The following ANO1 variants were observed in gnomAD, a reference collection of about 807,000 sequenced individuals.
ANO1 encodes the protein anoctamin 1.
ANO1 carries 59 observed loss-of-function variants against 124.0 expected under a neutral mutation model. That is an observed-to-expected ratio of 0.48 (90% CI 0.39 to 0.59). The LOEUF is 0.59. ANO1 is among the 20% of genes least tolerant of loss of function. The probability of loss-of-function intolerance (pLI) is 0.00; values close to 1 mark genes in which losing one functional copy is unlikely to be tolerated. For missense variants in ANO1, 1,059 were observed against 1,328.0 expected, an observed-to-expected ratio of 0.80 and a Z score of 3.15; for synonymous variants, 529 against 532.0, an observed-to-expected ratio of 0.99 and a Z score of 0.08.
intron 1 of ANO1, among the ~76,000 whole-genome samples, chr11:70,023,788 C>T (rs1404280278): frequency 6.6e-6 from 1 of 152,146 alleles, no homozygotes; most frequent in African/African-American, 2.4e-5. Context: ...TGTCTTTATC[C>T]CAGCCATGTG....
intron 7 of ANO1, 72 bp downstream of exon 7, chr11:70,111,834 C>A (rs2515251): frequency 0.99 from 1,491,687 of 1,499,322 alleles, 742,325 homozygotes; most frequent in East Asian, 1. Context: ...CACACCCCCC[C>A]GGGAGCTGCA....
chr11:70,066,344 C>T lies in ANO1; in HGVS notation c.59-12198C>T, dbSNP rs192593070. On this transcript the variant is annotated intron_variant, in intron 1 of 27. Coordinates refer to the ANO1 transcript ENST00000531349. ...GGACCCCATGCTTGGTGTTTGGGGC[C>T]CACTCTTAACATCTCAACAGCCTGT... Among the ~76,000 whole-genome samples the T allele has an allele frequency of 8.0e-4, 121 of 152,190 alleles. 1 individual carries two copies. The highest frequency in any genetic ancestry group is 2.7e-3 in the African/African-American group (114 of 41,536).
intron 1 of ANO1, among the ~76,000 whole-genome samples, chr11:70,080,204 C>G (rs536809427): frequency 2.0e-5 from 3 of 152,318 alleles, no homozygotes; most frequent in African/African-American, 7.2e-5. Flanking sequence ...ACTCTCACAA[C>G]GTGTGAGGTA....
chr11:70,109,624 C>T (rs886186734), intron 6 of ANO1, among the ~76,000 whole-genome samples: 1 of 152,236 alleles, frequency 6.6e-6, no homozygotes. Flanking sequence ...TGCCAGGGCA[C>T]AGCCTTGGAA....
chr11:70,067,450 C>T (rs907983820), intron 1 of ANO1, among the ~76,000 whole-genome samples: 1 of 151,932 alleles, frequency 6.6e-6, no homozygotes, highest in African/African-American at 2.4e-5. Flanking sequence ...GCCTCAGTCT[C>T]CCGAATAGCT....
chr11:70,111,823 C>A, intron 7 of ANO1, 61 bp downstream of exon 7: 1 of 1,543,420 alleles, frequency 6.5e-7, no homozygotes, highest in Non-Finnish European at 9.0e-7. Context: ...TCCCGCCGGG[C>A]CACACCCCCC....
intron 1 of ANO1, among the ~76,000 whole-genome samples, chr11:70,053,207 A>T (rs530870036): frequency 6.6e-6 from 1 of 152,228 alleles, no homozygotes; most frequent in South Asian, 2.1e-4. Flanking sequence ...TCTCCTTTCA[A>T]AATCATGCTT....
rs1476234926 is a variant in ANO1, at chr11:70,161,251, C to T, written c.1669C>T (p.Arg557Trp). 3 of 1,613,900 alleles carry T rather than the reference C, an allele frequency of 1.9e-6. No homozygotes were observed. Among genetic ancestry groups the T allele is most frequent in the East Asian group, 2.2e-5 (1 of 44,876 alleles). Residue 557 changes from arginine (R) to tryptophan (W), a missense_variant, in exon 17 of 26, where the codon CGG becomes TGG. Transcript: ENST00000355303. ...GGCCATGAACTCCTCCCCCTCCGTG[C>T]GGTCCAACATCCGGGTCACAGTCAC... ...ALAMNSSPSV[R>W]SNIRVTVTAT...
At chr11:70,164,121 C>T (rs966967261) in intron 19 of ANO1, among the ~76,000 whole-genome samples, 6 of 152,166 alleles carry the variant, frequency 3.9e-5, no homozygotes, top group African/African-American at 1.2e-4. Flanking sequence ...GCCTCTGTCA[C>T]GGCCCATGGA....
rs530428001 is a variant in ANO1, at chr11:69,992,141, A to T, written c.58+5975A>T. Among the ~76,000 whole-genome samples the T allele has an allele frequency of 7.2e-5, 11 of 152,246 alleles. No homozygotes were observed. In the East Asian group the frequency reaches 7.7e-4, roughly 11 times the overall value. Reference sequence around the variant, plus strand: ...GAAAGTCAGGTGGATGAATGGATGGATGGATGAGTGATGGGTGGGTAGATG... The same window carrying T: ...GAAAGTCAGGTGGATGAATGGATGGTTGGATGAGTGATGGGTGGGTAGATG... On this transcript the variant is annotated intron_variant, in intron 1 of 27. Coordinates refer to the ANO1 transcript ENST00000531349.
chr11:70,007,522 G>A (rs148129333), intron 1 of ANO1, among the ~76,000 whole-genome samples: 1,710 of 151,980 alleles, frequency 0.011, 16 homozygotes, highest in Non-Finnish European at 0.015. Context: ...GTGATCCGCC[G>A]GCCCATCTTG....
chr11:70,017,938 G>A (rs1856731879), intron 1 of ANO1, among the ~76,000 whole-genome samples: 1 of 152,070 alleles, frequency 6.6e-6, no homozygotes, highest in South Asian at 2.1e-4. Context: ...TTCCCTGATG[G>A]TCTCTGAGAG....
At chr11:70,126,792 A>G (rs1303431098) in intron 10 of ANO1, among the ~76,000 whole-genome samples, 2 of 144,858 alleles carry the variant, frequency 1.4e-5, no homozygotes, top group Admixed American at 1.4e-4. Context: ...GGGAGGTGAG[A>G]CGTGAATGCT....
At chr11:70,150,045 C>A in intron 12 of ANO1, 1 of 602,196 alleles carries the variant, frequency 1.7e-6, no homozygotes, top group Non-Finnish European at 3.1e-6. Context: ...ACATGGACAC[C>A]CAGCCACCAG....
At chr11:69,992,170 G>A (rs886826994) in intron 1 of ANO1, among the ~76,000 whole-genome samples, 85 of 152,074 alleles carry the variant, frequency 5.6e-4, no homozygotes, top group Non-Finnish European at 7.2e-4. Flanking sequence ...GTAGATGAAT[G>A]GATGATGGAT....
At chr11:70,093,876 G>T (rs1306902990) in intron 2 of ANO1, among the ~76,000 whole-genome samples, 1 of 152,248 alleles carries the variant, frequency 6.6e-6, no homozygotes, top group African/African-American at 2.4e-5. Context: ...CCGAGTGCGG[G>T]TTCAGACCCC....
intron 11 of ANO1, among the ~76,000 whole-genome samples, chr11:70,135,224 A>G (rs2046912965): frequency 6.6e-6 from 1 of 152,028 alleles, no homozygotes; most frequent in African/African-American, 2.4e-5. Flanking sequence ...AATCCCTGGG[A>G]GGAATTCAGC....
chr11:70,078,699 G>T lies in ANO1; in HGVS notation c.93G>T (p.Leu31=). 6.7e-7 allele frequency: 1 copy of T among 1,485,054 alleles called. No individual in the cohort carries two copies. The highest frequency in any genetic ancestry group is 9.0e-7 in the Non-Finnish European group (1 of 1,105,940). The allele number at this position is 1,485,054 out of a possible 1,614,324, so 92.0% of individuals were successfully genotyped here. A position where few individuals can be genotyped will look rare whatever the true frequency, so the allele number is the denominator to read the frequency against. The change falls in exon 1 of 26, where the codon CTG becomes CTT. Residue 31 remains leucine, a synonymous_variant. Transcript: ENST00000355303. ...GCGCCATCGAGGACATCGGCTACCT[G>T]CCGTCCGAGGGCACGGTGAGTGCGG... ...NICAIEDIGY[L]PSEGTLLNSL...
intron 1 of ANO1, among the ~76,000 whole-genome samples, chr11:70,025,392 A>ATGG (rs1162545995): frequency 6.6e-6 from 1 of 151,810 alleles, no homozygotes; most frequent in Non-Finnish European, 1.5e-5. Context: ...GAGAATAATG[A>ATGG]TGGTGGTGGT....
Sources: allele counts gnomAD v4.1 joint callset (sites outside exome capture counted in the v4.1 genomes callset), GRCh38; gene constraint gnomAD v4.1.1; transcripts MANE v1.5; gene names NCBI Gene and HGNC (gene_info 2026-07-23, HGNC 2026-07-21).